SLC45A2: variants seen among roughly 807,000 people sequenced by gnomAD.
SLC45A2 encodes the protein solute carrier family 45 member 2, also known as membrane-associated transporter protein.
A neutral mutation model predicts 45.5 loss-of-function variants in SLC45A2; 36 were observed. The observed-to-expected ratio is 0.79, with a 90% CI of 0.61 to 1.04. The LOEUF is 1.04. Among genes scored for constraint, SLC45A2 ranks in the 50% least tolerant of loss-of-function variants. The pLI, the probability that SLC45A2 is intolerant of heterozygous loss-of-function variation, is 0.00. For missense variants in SLC45A2, 719 were observed against 671.0 expected (o/e 1.07, Z -0.79); for synonymous variants, 306 against 269.3 (o/e 1.14, Z -1.33).
chr5:33,963,994 G>A lies in SLC45A2; in HGVS notation c.585C>T (p.Tyr195=), dbSNP rs369597359. Residue 195 remains tyrosine, a synonymous_variant, in exon 3 of 7, where the codon TAC becomes TAT. Coordinates refer to ENST00000296589, the MANE Select transcript of SLC45A2 (RefSeq NM_016180.5). ...GGGCCCAGTCTATAGCACCCAAAAG[G>A]TAACCCAGGGCACCTCCAAAACCTG... The part of the protein sequence containing the change: ...LFTGFGGALG[Y]LLGAIDWAHL... 15 of 1,613,824 alleles carry A rather than the reference G, an allele frequency of 9.3e-6. No homozygotes were observed. Among genetic ancestry groups the A allele is most frequent in the Middle Eastern group, 1.6e-4 (1 of 6,080 alleles).
chr5:33,950,885 A>T (rs1015328094), intron 5 of SLC45A2, among the ~76,000 whole-genome samples: 4 of 152,222 alleles, frequency 2.6e-5, no homozygotes, highest in African/African-American at 9.6e-5. Flanking sequence ...GCTTGGAGAT[A>T]TCCATACACA....
At chr5:33,975,443 G>T (rs1752901679) in intron 2 of SLC45A2, among the ~76,000 whole-genome samples, 3 of 152,142 alleles carry the variant, frequency 2.0e-5, no homozygotes, top group South Asian at 4.1e-4. Flanking sequence ...TACAATACAG[G>T]GGAGAGAGTG....
At chr5:33,969,281 A>G (rs1040196593) in intron 2 of SLC45A2, among the ~76,000 whole-genome samples, 5 of 151,982 alleles carry the variant, frequency 3.3e-5, no homozygotes, top group Non-Finnish European at 7.4e-5. Context: ...AAAAGAAAAA[A>G]AAAATTTTAA....
intron 2 of SLC45A2, chr5:33,971,010 TA>T: frequency 2.0e-6 from 1 of 498,666 alleles, no homozygotes; most frequent in Non-Finnish European, 4.1e-6. Flanking sequence ...CTGAAGGCCC[TA>T]AAAAGTGTTG....
intron 2 of SLC45A2, among the ~76,000 whole-genome samples, chr5:33,967,991 CTTAT>C: frequency 6.6e-6 from 1 of 151,198 alleles, no homozygotes; most frequent in Admixed American, 6.6e-5. Flanking sequence ...GAAGAACTGT[CTTAT>C]TTGTCCCAAA....
chr5:33,962,847 G>GTCTTCT (rs752451153), intron 3 of SLC45A2, among the ~76,000 whole-genome samples: 3 of 152,196 alleles, frequency 2.0e-5, no homozygotes, highest in Non-Finnish European at 4.4e-5. Context: ...TTGAACTTAA[G>GTCTTCT]TCTTCTACAA....
chr5:33,965,691 TG>T (rs1752585300), intron 2 of SLC45A2, among the ~76,000 whole-genome samples: 3 of 152,350 alleles, frequency 2.0e-5, no homozygotes, highest in Admixed American at 1.3e-4. Context: ...TTCAGAAGAA[TG>T]TTCTGGGATT....
Position 33,944,834 on chromosome 5 carries a change from C to T in SLC45A2, c.1407G>A (p.Val469=). Reference sequence around the variant, plus strand: ...TGGCGCAGTCCATGCCCTTCCCTCTCACGCTGTTGTCTGGGTCCCCTCCTG... The same window carrying T: ...TGGCGCAGTCCATGCCCTTCCCTCTTACGCTGTTGTCTGGGTCCCCTCCTG... ...QAPGGDPDNS[V]RGKGMDCATL... is the part of the protein sequence containing the mutation. Residue 469 remains valine, a synonymous_variant, in exon 7 of 7, where the codon GTG becomes GTA. Coordinates refer to ENST00000296589, the MANE Select transcript of SLC45A2 (RefSeq NM_016180.5). The T allele has an allele frequency of 6.2e-7, 1 of 1,614,026 alleles. No individual in the cohort carries two copies.
chr5:33,984,417 A>ATGTG lies in SLC45A2; in HGVS notation c.166_167insCACA (p.Val56AlafsTer79), dbSNP rs1753181804. ...ACCTACGCTGAGCAGGACTGGGGTC[A>ATGTG]CATACGCTGCCTCCACCGCGTAGCA... On this transcript the variant is annotated frameshift_variant, in exon 1 of 7. Coordinates refer to ENST00000296589, the MANE Select transcript of SLC45A2 (RefSeq NM_016180.5). LOFTEE classifies it high-confidence loss of function. 3.1e-6 allele frequency: 5 copies of ATGTG among 1,613,468 alleles called. No individual in the cohort carries two copies.
chr5:33,959,230 G>GT (rs1213205016), intron 3 of SLC45A2, among the ~76,000 whole-genome samples: 3 of 151,992 alleles, frequency 2.0e-5, no homozygotes, highest in African/African-American at 7.2e-5. Flanking sequence ...AAAAAAGATG[G>GT]TTTTGTGCAT....
chr5:33,951,768 A>G, intron 4 of SLC45A2, 91 bp from the exon 5 acceptor site: 2 of 1,542,354 alleles, frequency 1.3e-6, no homozygotes, highest in South Asian at 1.1e-5. Context: ...TGGGGAGCAA[A>G]TGTCCCTGCC....
chr5:33,980,358 C>T (rs1007729808), intron 2 of SLC45A2, among the ~76,000 whole-genome samples: 1 of 151,916 alleles, frequency 6.6e-6, no homozygotes, highest in African/African-American at 2.4e-5. Context: ...AATATGATGT[C>T]AACAAGTTCA....
chr5:33,972,321 G>A, intron 2 of SLC45A2: 1 of 394,570 alleles, frequency 2.5e-6, no homozygotes, highest in Non-Finnish European at 5.1e-6. Context: ...ACGGGATCTT[G>A]CTTTGCTGCA....
Position 33,982,503 on chromosome 5 carries a change from A to C in SLC45A2, c.386-91T>G. ...CACCTAAACTTCTTGCCATAAAATC[A>C]TCTTCCTTGCTTTTATTTTGCTTTT... On this transcript the variant is annotated intron_variant, in intron 1 of 6. Coordinates refer to ENST00000296589, the MANE Select transcript of SLC45A2 (RefSeq NM_016180.5). 2.3e-6 allele frequency: 3 copies of C among 1,288,360 alleles called. No homozygotes were observed. In the South Asian group the frequency reaches 3.9e-5, roughly 17 times the overall value. The allele number at this position is 1,288,360 out of a possible 1,614,324, so 79.8% of individuals were successfully genotyped here. A position where few individuals can be genotyped will look rare whatever the true frequency, so the allele number is the denominator to read the frequency against.
At chr5:33,949,518 A>T (rs1295925967) in intron 5 of SLC45A2, among the ~76,000 whole-genome samples, 2 of 152,194 alleles carry the variant, frequency 1.3e-5, no homozygotes, top group Non-Finnish European at 2.9e-5. Flanking sequence ...TGGTTAATTG[A>T]TATGGGAGTG....
intron 2 of SLC45A2, among the ~76,000 whole-genome samples, chr5:33,979,213 G>C (rs1469340999): frequency 1.3e-5 from 2 of 152,232 alleles, no homozygotes; most frequent in African/African-American, 4.8e-5. Context: ...CATGTAAGAT[G>C]TACATTGGTT....
At chr5:33,981,948 AT>A (rs1753086756) in intron 2 of SLC45A2, among the ~76,000 whole-genome samples, 1 of 152,222 alleles carries the variant, frequency 6.6e-6, no homozygotes, top group Non-Finnish European at 1.5e-5. Context: ...CTCTGCTCTA[AT>A]GCAAAAGTAC....
intron 2 of SLC45A2, among the ~76,000 whole-genome samples, chr5:33,965,306 C>T (rs1484538452): frequency 6.6e-6 from 1 of 152,130 alleles, no homozygotes; most frequent in Admixed American, 6.5e-5. Context: ...GAACACAAAC[C>T]TGAATGTCAA....
chr5:33,971,324 C>A lies in SLC45A2; in HGVS notation c.563-7308G>T, dbSNP rs139107175. 1.3e-3 allele frequency: 679 copies of A among 514,316 alleles called. 3 individuals are homozygous for A. The highest frequency in any genetic ancestry group is 3.1e-3 in the South Asian group (211 of 69,044). 31.9% of individuals were successfully genotyped at this position (514,316 alleles called of 1,614,324 possible). ...GTTACCACTTACAAACCCAGTTATTCCAACTTGTAGGAATAATACCTCCAA... is the reference window on the plus strand; with the variant it reads ...GTTACCACTTACAAACCCAGTTATTACAACTTGTAGGAATAATACCTCCAA... On this transcript the variant is annotated intron_variant, in intron 2 of 6. Transcript: ENST00000296589.
Sources: gnomAD v4.1 joint callset for allele counts (sites outside exome capture counted in the v4.1 genomes callset) on GRCh38, gnomAD v4.1.1 for gene constraint, MANE v1.5 for transcripts, NCBI Gene and HGNC (gene_info 2026-07-23, HGNC 2026-07-21) for gene names.